Variants in CCDC32 observed in about 807,000 individuals in gnomAD.
The protein encoded by CCDC32 is coiled-coil domain containing 32, also known as coiled-coil domain-containing protein 32.
A neutral mutation model predicts 20.1 loss-of-function variants in CCDC32; 9 were observed. The observed-to-expected ratio is 0.45, with a 90% CI of 0.27 to 0.78. The LOEUF (loss-of-function observed/expected upper bound fraction) is 0.78. Among genes scored for constraint, CCDC32 ranks in the 30% least tolerant of loss-of-function variants. The pLI is 0.16. For synonymous variants in CCDC32, 63 were observed against 79.0 expected (o/e 0.80, Z 1.07); for missense variants, 204 against 215.5 (o/e 0.95, Z 0.33).
intron 2 of CCDC32, chr15:40,558,025 G>T (rs1327744154): frequency 6.6e-6 from 1 of 152,214 alleles, no homozygotes; most frequent in Non-Finnish European, 1.5e-5. Context: ...TCCCATGACA[G>T]TGCTCCATAT....
At chr15:40,533,006 A>G (rs918276068), downstream of CCDC32, among the ~76,000 whole-genome samples, 6 of 151,768 alleles carry the variant, frequency 4.0e-5, no homozygotes, top group Non-Finnish European at 5.9e-5. Flanking sequence ...CACCTGGCCA[A>G]TTTACAATAT....
rs1036330888 is a variant in CCDC32 at position 40,528,791 on chromosome 15, C to G, written c.402-1G>C. 10 of 697,482 alleles carry G rather than the reference C, an allele frequency of 1.4e-5. No individual in the cohort carries two copies. The Admixed American group carries it at 1.4e-4, about 10-fold the overall frequency. The allele number at this position is 697,482 out of a possible 1,614,324, so 43.2% of individuals were successfully genotyped here. On this transcript the variant is annotated splice_acceptor_variant, in intron 3 of 3. Coordinates refer to the CCDC32 transcript ENST00000560305. LOFTEE classifies it high-confidence loss of function. ...AGCACAGATCCCATTTCTCAAAAAA[C>G]TATTAAAAAAAAGAGAAGAAAAGAA...
chr15:40,524,739 C>CTTTTTTTTTTTTTTTTTT (rs758786719), downstream of CCDC32, among the ~76,000 whole-genome samples: 5 of 95,242 alleles, frequency 5.2e-5, 1 homozygote, highest in African/African-American at 2.9e-4. Context: ...CTTTTTCTTT[C>CTTTTTTTTTTTTTTTTTT]TTTTTTTTTT....
downstream of CCDC32, among the ~76,000 whole-genome samples, chr15:40,550,093 T>A (rs1430583380): frequency 1.3e-5 from 2 of 152,190 alleles, no homozygotes; most frequent in Non-Finnish European, 2.9e-5. Flanking sequence ...CGCTGAGTGA[T>A]GAGCACGTGT....
chr15:40,532,065 G>A (rs560822021), downstream of CCDC32: 20 of 448,078 alleles, frequency 4.5e-5, no homozygotes, highest in African/African-American at 3.0e-4. Flanking sequence ...GATGCCAACC[G>A]TACTTAGCAT....
chr15:40,533,309 T>C (rs1888964156), downstream of CCDC32, among the ~76,000 whole-genome samples: 1 of 152,144 alleles, frequency 6.6e-6, no homozygotes, highest in Admixed American at 6.6e-5. Flanking sequence ...AGTTTAAATT[T>C]TGAAAGTGTT....
chr15:40,554,023 A>G lies in CCDC32; in HGVS notation c.506T>C (p.Val169Ala). The G allele has an allele frequency of 6.2e-7, 1 of 1,612,418 alleles. No homozygotes were observed. Among genetic ancestry groups the G allele is most frequent in the Non-Finnish European group, 8.5e-7 (1 of 1,179,776 alleles). The change falls in exon 4 of 4, where the codon GTG (valine) becomes GCG (alanine). Residue 169 changes from valine to alanine, a missense_variant. Transcript: ENST00000416810. ...IPPESQVEKP[V>A]AEDEPAAGDK... ...CCCGGCTGCTGGCTCGTCCTCGGCC[A>G]CTGGCTTCTCAACCTGTGACTCTGG...
chr15:40,528,814 G>T (rs1389810272), intron 3 of CCDC32: 22 of 697,214 alleles, frequency 3.2e-5, no homozygotes, highest in Non-Finnish European at 5.2e-5. Flanking sequence ...GAGAAGAAAA[G>T]AAAAGTAAAA....
chr15:40,529,445 G>A (rs978198668), intron 3 of CCDC32: 5 of 152,230 alleles, frequency 3.3e-5, no homozygotes, highest in African/African-American at 1.2e-4. Context: ...AAAAAGCAGA[G>A]GGAGAGAGAG....
At chr15:40,533,363 AT>A (rs1888969856), downstream of CCDC32, among the ~76,000 whole-genome samples, 1 of 151,932 alleles carries the variant, frequency 6.6e-6, no homozygotes. Context: ...TTATTTATTT[AT>A]TTTGAGATGG....
In CCDC32 at chr15:40,562,760, C is replaced by T. The variant is rs1443443621; in HGVS notation, c.244+12G>A. 1.2e-6 allele frequency: 2 copies of T among 1,608,616 alleles called. No individual in the cohort carries two copies. Among genetic ancestry groups the T allele is most frequent in the East Asian group, 2.2e-5 (1 of 44,752 alleles). The stretch of plus-strand genomic sequence containing the variant: ...GAACTTCAATATGCTTCCCTAGAGC[C>T]GTCAAACTTACCTAGAGATGCTAAA... On this transcript the variant is annotated intron_variant, in intron 2 of 3. Transcript: ENST00000416810.
At chr15:40,561,842 A>G (rs796639805) in intron 2 of CCDC32, 3 of 151,588 alleles carry the variant, frequency 2.0e-5, no homozygotes, top group African/African-American at 7.3e-5. Context: ...GGATATTACA[A>G]TTCTAAAGAC....
chr15:40,553,747 C>A lies in CCDC32; in HGVS notation c.*224G>T. ...TGTGCACTGGGTCAGTCACTTCATC[C>A]GAGACAGTCACACATGCCAGCCCCA... On this transcript the variant is annotated 3_prime_UTR_variant, in exon 4 of 4. Transcript: ENST00000416810. 7.4e-7 allele frequency: 1 copy of A among 1,352,474 alleles called. No homozygotes were observed. The highest frequency in any genetic ancestry group is 1.5e-5 in the African/African-American group (1 of 68,438). The allele number at this position is 1,352,474 out of a possible 1,614,324, so 83.8% of individuals were successfully genotyped here.
At chr15:40,539,871 C>CACACACACAT (rs1889308639) in intron 3 of CCDC32, among the ~76,000 whole-genome samples, 1 of 151,744 alleles carries the variant, frequency 6.6e-6, no homozygotes, top group Non-Finnish European at 1.5e-5. Context: ...CACACACACA[C>CACACACACAT]ACACACACAC....
chr15:40,525,445 G>A (rs377489995), downstream of CCDC32, among the ~76,000 whole-genome samples: 51 of 152,308 alleles, frequency 3.3e-4, 1 homozygote, highest in South Asian at 8.1e-3. Flanking sequence ...TTACAGGCAT[G>A]AGCCACCATG....
Position 40,562,851 on chromosome 15 carries a change from C to A in CCDC32, c.165G>T (p.Glu55Asp). The stretch of plus-strand genomic sequence containing the variant: ...CTGGCTGGACAGCAAAGTCAGCCAC[C>A]TCCCTCTGGCCTTCACCTTCAGGGC... ...DSCPEGEGQR[E>D]VADFAVQPAV... Residue 55 changes from glutamate (E) to aspartate (D), a missense_variant, in exon 2 of 4, where the codon GAG becomes GAT. Physicochemically the swap from Glu to Asp is conservative, Grantham distance 45. Coordinates refer to ENST00000416810, the MANE Select transcript of CCDC32 (RefSeq NM_001080792.4). 6.2e-7 allele frequency: 1 copy of A among 1,614,240 alleles called. No individual in the cohort carries two copies. Among genetic ancestry groups the A allele is most frequent in the Non-Finnish European group, 8.5e-7 (1 of 1,180,046 alleles).
downstream of CCDC32, among the ~76,000 whole-genome samples, chr15:40,530,018 G>A (rs945623423): frequency 2.0e-5 from 3 of 151,260 alleles, no homozygotes; most frequent in Non-Finnish European, 4.4e-5. Context: ...CAGGCCGGGC[G>A]TGATGGCTCA....
downstream of CCDC32, chr15:40,538,898 AG>A: frequency 3.1e-6 from 1 of 325,450 alleles, no homozygotes; most frequent in Non-Finnish European, 5.8e-6. Flanking sequence ...ACTGACCTTT[AG>A]TACCCACCCA....
the CCDC32 span, among the ~76,000 whole-genome samples, chr15:40,522,726 T>C: frequency 1.2e-4 from 18 of 152,252 alleles, no homozygotes; most frequent in African/African-American, 4.3e-4. Context: ...AGCATGTAGA[T>C]GTCACTCAGC....
Sources: gnomAD v4.1 joint callset for allele counts (sites outside exome capture counted in the v4.1 genomes callset) on GRCh38, gnomAD v4.1.1 for gene constraint, MANE v1.5 for transcripts, NCBI Gene and HGNC (gene_info 2026-07-23, HGNC 2026-07-21) for gene names.